Variants in CD47 observed in about 807,000 individuals in gnomAD.
CD47 encodes the protein leukocyte surface antigen CD47.
Under a neutral mutation model 44.6 loss-of-function variants are expected in CD47, and 11 were observed. The ratio of observed to expected loss-of-function variants is 0.25; its 90% CI spans 0.16 to 0.41. The LOEUF is 0.41. Among genes scored for constraint, CD47 ranks in the 10% least tolerant of loss-of-function variants. The pLI is 1.00. For missense variants in CD47, 306 were observed against 386.7 expected (o/e 0.79, Z 1.75); for synonymous variants, 140 against 136.3 (o/e 1.03, Z -0.19).
At chr3:108,053,866 C>T (rs1269849860) in intron 7 of CD47, 2 of 152,202 alleles carry the variant, frequency 1.3e-5, no homozygotes, top group South Asian at 2.1e-4. Context: ...GGATGCACTA[C>T]ATTTAGCAGC....
chr3:108,059,242 A>G (rs1255204953), intron 5 of CD47, among the ~76,000 whole-genome samples: 1 of 152,220 alleles, frequency 6.6e-6, no homozygotes, highest in Non-Finnish European at 1.5e-5. Context: ...CATCAAATAC[A>G]TATGAAAGTC....
chr3:108,074,239 AT>A (rs2079262453), intron 2 of CD47, among the ~76,000 whole-genome samples: 1 of 152,226 alleles, frequency 6.6e-6, no homozygotes, highest in Non-Finnish European at 1.5e-5. Flanking sequence ...CCCAGATTCT[AT>A]GTGAAACAAG....
rs2079629492 is a variant in CD47, at chr3:108,090,999, CG to C, written c.-92del. 1.1e-6 allele frequency: 1 copy of C among 920,178 alleles called. No homozygotes were observed. The highest frequency in any genetic ancestry group is 1.5e-6 in the Non-Finnish European group (1 of 675,076). The allele number at this position is 920,178 out of a possible 1,614,324, so 57.0% of individuals were successfully genotyped here. Reference sequence around the variant, plus strand: ...TTACAGGCAGGACCGACCGCCGCCGCGCGTCACAGGCAGGACCCACTGCCCA... The same window carrying C: ...TTACAGGCAGGACCGACCGCCGCCGCCGTCACAGGCAGGACCCACTGCCCA... On this transcript the variant is annotated 5_prime_UTR_variant, in exon 1 of 11. Transcript: ENST00000361309.
At chr3:108,057,012 G>C (rs1230545592) in intron 7 of CD47, among the ~76,000 whole-genome samples, 2 of 152,116 alleles carry the variant, frequency 1.3e-5, no homozygotes, top group Admixed American at 1.3e-4. Context: ...CCTGTCTGGG[G>C]TGTCTATGTC....
At chr3:108,052,259 G>C (rs1024298523) in intron 7 of CD47, 3 of 284,512 alleles carry the variant, frequency 1.1e-5, no homozygotes, top group Admixed American at 1.0e-4. Flanking sequence ...ACACTGGCTG[G>C]TGGGAAAATG....
In CD47 at chr3:108,078,996, T is replaced by C. The variant is rs575321151; in HGVS notation, c.400+995A>G. On this transcript the variant is annotated intron_variant, in intron 2 of 10. Transcript: ENST00000361309. Reference sequence around the variant, plus strand: ...ATAGTAAGTTGCTGAACAGGGGCTGTAACTCAGACCTCCTGATTCTCAATC... The same window carrying C: ...ATAGTAAGTTGCTGAACAGGGGCTGCAACTCAGACCTCCTGATTCTCAATC... Among the ~76,000 whole-genome samples the C allele has an allele frequency of 9.2e-5, 14 of 152,192 alleles. No homozygotes were observed. The South Asian group carries it at 2.3e-3, about 25-fold the overall frequency.
At chr3:108,073,252 A>C (rs896785606) in intron 2 of CD47, among the ~76,000 whole-genome samples, 1 of 151,624 alleles carries the variant, frequency 6.6e-6, no homozygotes, top group African/African-American at 2.4e-5. Flanking sequence ...AAATTTTAGG[A>C]TATATTAATA....
chr3:108,078,917 G>A lies in CD47; in HGVS notation c.400+1074C>T, dbSNP rs181065538. Among the ~76,000 whole-genome samples, 61 of 152,022 alleles carry A rather than the reference G, an allele frequency of 4.0e-4. 1 individual carries two copies. The highest frequency in any genetic ancestry group is 1.1e-3 in the African/African-American group (47 of 41,500). On this transcript the variant is annotated intron_variant, in intron 2 of 10. Transcript: ENST00000361309. ...AAGTATCTATTGTCATCTCCATTTCGGACATGAGGTAACTTGGACTCGGTT... is the reference window on the plus strand; with the variant it reads ...AAGTATCTATTGTCATCTCCATTTCAGACATGAGGTAACTTGGACTCGGTT...
intron 7 of CD47, chr3:108,052,207 T>C (rs1036461666): frequency 7.0e-5 from 23 of 328,068 alleles, no homozygotes; most frequent in African/African-American, 3.5e-4. Context: ...ACACATTCTC[T>C]CATTTGTTTA....
At chr3:108,077,852 C>A (rs1050430761) in intron 2 of CD47, among the ~76,000 whole-genome samples, 1 of 151,924 alleles carries the variant, frequency 6.6e-6, no homozygotes, top group African/African-American at 2.4e-5. Context: ...GTTGAAATGA[C>A]AAAATTATAG....
At chr3:108,082,225 T>C (rs1386945646) in intron 1 of CD47, among the ~76,000 whole-genome samples, 1 of 152,014 alleles carries the variant, frequency 6.6e-6, no homozygotes, top group Non-Finnish European at 1.5e-5. Context: ...TATCTGACTC[T>C]ATAGAAGCCT....
intron 1 of CD47, among the ~76,000 whole-genome samples, chr3:108,088,287 A>T (rs2079559629): frequency 6.6e-6 from 1 of 152,212 alleles, no homozygotes; most frequent in Non-Finnish European, 1.5e-5. Context: ...TTTGGGGGGA[A>T]AGTCATCTAT....
At chr3:108,088,208 T>A (rs1276246857) in intron 1 of CD47, among the ~76,000 whole-genome samples, 2 of 152,240 alleles carry the variant, frequency 1.3e-5, no homozygotes, top group Admixed American at 6.5e-5. Flanking sequence ...ATAGCTGAAT[T>A]CATACTATGA....
intron 3 of CD47, among the ~76,000 whole-genome samples, chr3:108,063,253 T>A (rs2079051119): frequency 6.6e-6 from 1 of 152,198 alleles, no homozygotes; most frequent in South Asian, 2.1e-4. Context: ...AATACACATG[T>A]TGAGGATCCC....
chr3:108,049,611 A>G lies in CD47; in HGVS notation c.967+8T>C. The G allele has an allele frequency of 6.5e-7, 1 of 1,546,836 alleles. No individual in the cohort carries two copies. The highest frequency in any genetic ancestry group is 2.2e-5 in the East Asian group (1 of 44,564). On this transcript the variant is annotated splice_region_variant and intron_variant, in intron 10 of 10. Transcript: ENST00000361309. The stretch of plus-strand genomic sequence containing the variant: ...GATCTATAATTATTAAGTGCATTTT[A>G]TACTTACCATCATTCATCATTCCTT...
At chr3:108,060,503 T>A (rs914039644) in intron 4 of CD47, among the ~76,000 whole-genome samples, 6 of 152,186 alleles carry the variant, frequency 3.9e-5, no homozygotes, top group Non-Finnish European at 7.4e-5. Context: ...CTTCAGCAAA[T>A]TCCAGAAGCT....
intron 5 of CD47, 77 bp from the exon 6 acceptor site, chr3:108,058,506 T>C: frequency 1.1e-6 from 1 of 947,538 alleles, no homozygotes; most frequent in Non-Finnish European, 1.6e-6. Flanking sequence ...GCATTTGGTA[T>C]AATCAGGGAT....
chr3:108,083,187 C>G lies in CD47; in HGVS notation c.47-2843G>C, dbSNP rs1340843822. On this transcript the variant is annotated intron_variant, in intron 1 of 10. Transcript: ENST00000361309. ...CAGACAAATGTAACCAAGAGTAATG[C>G]CAGAGTTATAGATAAATTAGCAAAT... Among the ~76,000 whole-genome samples the G allele has an allele frequency of 2.0e-5, 3 of 151,854 alleles. No individual in the cohort carries two copies. In the South Asian group the frequency reaches 6.2e-4, roughly 32 times the overall value.
Position 108,071,186 on chromosome 3 carries a change from G to C in CD47, c.401-4C>G. 7.3e-7 allele frequency: 1 copy of C among 1,361,206 alleles called. No homozygotes were observed. Among genetic ancestry groups the C allele is most frequent in the Non-Finnish European group, 1.0e-6 (1 of 983,350 alleles). 84.3% of individuals were successfully genotyped at this position (1,361,206 alleles called of 1,614,324 possible). A position where few individuals can be genotyped will look rare whatever the true frequency, so the allele number is the denominator to read the frequency against. On this transcript the variant is annotated splice_polypyrimidine_tract_variant and splice_region_variant and intron_variant, in intron 2 of 10. Transcript: ENST00000361309. ...TCATTTGGAGAAAACCATGAAACTG[G>C]GGAAGAAGAAAACAAAAGTCACAAT...
Sources: allele counts gnomAD v4.1 joint callset (sites outside exome capture counted in the v4.1 genomes callset), GRCh38; gene constraint gnomAD v4.1.1; transcripts MANE v1.5; gene names NCBI Gene and HGNC (gene_info 2026-07-23, HGNC 2026-07-21).